Variants in DCLK2 observed in about 807,000 individuals in gnomAD.
DCLK2 encodes serine/threonine-protein kinase DCLK2.
Under a neutral mutation model 78.4 loss-of-function variants are expected in DCLK2, and 31 were observed. The observed-to-expected ratio is 0.40, with a 90% CI of 0.30 to 0.53. DCLK2 has a LOEUF of 0.53. Ranked by LOEUF, DCLK2 falls within the 20% of genes least tolerant of loss-of-function variation. The pLI, the probability that DCLK2 is intolerant of heterozygous loss-of-function variation, is 0.61. For synonymous variants in DCLK2, 407 were observed against 374.9 expected (o/e 1.09, Z -0.99); for missense variants, 872 against 973.7 (o/e 0.90, Z 1.39).
intron 1 of DCLK2, among the ~76,000 whole-genome samples, chr4:150,100,489 G>A (rs1335664422): frequency 1.3e-5 from 2 of 152,006 alleles, no homozygotes; most frequent in African/African-American, 4.8e-5. Flanking sequence ...TTTATGTTGG[G>A]ACAGGCTTTC....
chr4:150,163,369 G>A (rs1279727077), intron 2 of DCLK2, among the ~76,000 whole-genome samples: 1 of 152,122 alleles, frequency 6.6e-6, no homozygotes, highest in Admixed American at 6.5e-5. Flanking sequence ...CTGCACTCCA[G>A]CCTGGGTGAC....
intron 15 of DCLK2, chr4:150,253,500 T>C (rs898202664): frequency 7.8e-7 from 1 of 1,289,564 alleles, no homozygotes; most frequent in African/African-American, 1.5e-5. Flanking sequence ...GAGAGGCACC[T>C]CAGAGTTTCC....
intron 6 of DCLK2, among the ~76,000 whole-genome samples, chr4:150,221,164 A>G (rs1048697083): frequency 2.0e-5 from 3 of 152,124 alleles, no homozygotes; most frequent in African/African-American, 7.2e-5. Flanking sequence ...CCCTTCCCCC[A>G]CATACCTTTT....
intron 2 of DCLK2, among the ~76,000 whole-genome samples, chr4:150,176,052 G>A (rs1737068185): frequency 6.6e-6 from 1 of 152,214 alleles, no homozygotes; most frequent in African/African-American, 2.4e-5. Flanking sequence ...TATTGCGGAA[G>A]TAACATTTAT....
chr4:150,100,943 T>G (rs1446610233), intron 1 of DCLK2, among the ~76,000 whole-genome samples: 1 of 152,148 alleles, frequency 6.6e-6, no homozygotes, highest in Non-Finnish European at 1.5e-5. Flanking sequence ...ATAGAAGACA[T>G]TGCTTCTCTT....
At chr4:150,222,210 C>G (rs985338766) in intron 7 of DCLK2, among the ~76,000 whole-genome samples, 1 of 152,028 alleles carries the variant, frequency 6.6e-6, no homozygotes. Context: ...CTGTCTTGGC[C>G]TACTGAAGTG....
chr4:150,256,564 A>G lies in DCLK2; in HGVS notation c.*317A>G. On this transcript the variant is annotated 3_prime_UTR_variant, in exon 16 of 16. Transcript: ENST00000296550. ...TACAGCTTCACCAGGAGAATGTGCA[A>G]CTTTATTCCAGCATTCGATGCATTT... 3.0e-6 allele frequency: 1 copy of G among 329,740 alleles called. No individual in the cohort carries two copies. Among genetic ancestry groups the G allele is most frequent in the Non-Finnish European group, 5.5e-6 (1 of 182,648 alleles). The allele number at this position is 329,740 out of a possible 1,614,324, so 20.4% of individuals were successfully genotyped here.
chr4:150,088,506 G>A (rs1729808159), intron 1 of DCLK2, among the ~76,000 whole-genome samples: 1 of 151,340 alleles, frequency 6.6e-6, no homozygotes, highest in African/African-American at 2.4e-5. Context: ...TAGAGACAGA[G>A]TCTTTGTTGC....
chr4:150,227,163 C>CTA (rs1205527254), intron 8 of DCLK2, among the ~76,000 whole-genome samples: 3 of 152,150 alleles, frequency 2.0e-5, no homozygotes, highest in Non-Finnish European at 4.4e-5. Flanking sequence ...GTTACACAGC[C>CTA]TGTACATTGG....
rs1254162898 is a variant in DCLK2, at chr4:150,175,119, T to TTGTATATATTTGTATATA, written c.757-18018_757-18017insGTATATATTTGTATATAT. ...TTATATATATTTATATATTTATATT[T>TTGTATATATTTGTATATA]TTTATATATATATAATTTATGTATA... On this transcript the variant is annotated intron_variant, in intron 2 of 15. Coordinates refer to ENST00000296550, the MANE Select transcript of DCLK2 (RefSeq NM_001040260.4). Among the ~76,000 whole-genome samples, 33 of 98,746 alleles carry TTGTATATATTTGTATATA rather than the reference T, an allele frequency of 3.3e-4. 5 individuals carry two copies. The highest frequency in any genetic ancestry group is 1.5e-3 in the African/African-American group (29 of 18,730). 64.8% of individuals were successfully genotyped at this position (98,746 alleles called of 152,430 possible). A position where few individuals can be genotyped will look rare whatever the true frequency, so the allele number is the denominator to read the frequency against.
intron 2 of DCLK2, among the ~76,000 whole-genome samples, chr4:150,140,490 A>G (rs912160798): frequency 2.6e-5 from 4 of 152,214 alleles, no homozygotes; most frequent in Admixed American, 6.5e-5. Context: ...GCAGACCAGG[A>G]GCAAGTGGCA....
At chr4:150,090,657 T>C (rs1729995607) in intron 1 of DCLK2, among the ~76,000 whole-genome samples, 1 of 152,186 alleles carries the variant, frequency 6.6e-6, no homozygotes, top group African/African-American at 2.4e-5. Context: ...AGCTAATTTA[T>C]TTGGCCTTAA....
At chr4:150,086,193 T>A (rs1417686542) in intron 1 of DCLK2, among the ~76,000 whole-genome samples, 5 of 152,224 alleles carry the variant, frequency 3.3e-5, no homozygotes, top group Admixed American at 3.3e-4. Flanking sequence ...GTTTTTTTAA[T>A]TAATTTTACT....
chr4:150,164,039 G>A (rs4411962), intron 2 of DCLK2, among the ~76,000 whole-genome samples: 38,098 of 152,088 alleles, frequency 0.25, 5,046 homozygotes, highest in South Asian at 0.49. Context: ...TGAAAGTGCT[G>A]GAATTATAGG....
intron 2 of DCLK2, among the ~76,000 whole-genome samples, chr4:150,168,812 C>G (rs1491001320): frequency 6.6e-6 from 1 of 152,212 alleles, no homozygotes; most frequent in Non-Finnish European, 1.5e-5. Context: ...ACAATTCTCA[C>G]TGATCAGTTC....
Position 150,246,668 on chromosome 4 carries a change from C to A in DCLK2, c.1779-935C>A, listed in dbSNP as rs936885971. On this transcript the variant is annotated intron_variant, in intron 12 of 15. Transcript: ENST00000296550. Reference sequence around the variant, plus strand: ...CTGTTCCTCACTCTAGCCATCGATGCACCCACCAAGTGAGGGGGCTGTGGA... The same window carrying A: ...CTGTTCCTCACTCTAGCCATCGATGAACCCACCAAGTGAGGGGGCTGTGGA... Among the ~76,000 whole-genome samples the A allele has an allele frequency of 4.6e-5, 5 of 109,818 alleles. No individual in the cohort carries two copies. In the East Asian group the frequency reaches 1.0e-3, roughly 23 times the overall value. The allele number at this position is 109,818 out of a possible 152,430, so 72.0% of individuals were successfully genotyped here.
At chr4:150,170,428 A>G (rs959025336) in intron 2 of DCLK2, among the ~76,000 whole-genome samples, 3 of 152,186 alleles carry the variant, frequency 2.0e-5, no homozygotes, top group African/African-American at 7.2e-5. Flanking sequence ...GGAGGGGAAA[A>G]GCAGTAGAAG....
intron 2 of DCLK2, among the ~76,000 whole-genome samples, chr4:150,171,413 G>A (rs545687156): frequency 3.3e-5 from 5 of 152,136 alleles, no homozygotes; most frequent in African/African-American, 4.8e-5. Flanking sequence ...CCTGGGAGGC[G>A]GAGCTTCCAG....
In DCLK2 at chr4:150,239,735, G is replaced by C; in HGVS notation, c.1567-7G>C. On this transcript the variant is annotated splice_region_variant and splice_polypyrimidine_tract_variant and intron_variant, in intron 10 of 15. Coordinates refer to ENST00000296550, the MANE Select transcript of DCLK2 (RefSeq NM_001040260.4). ...ATCTTCTGATTGTTGGCTGATTTCT[G>C]TTTCAGGTGTGTGAATATCCTGATG... 1 of 1,612,162 alleles carries C rather than the reference G, an allele frequency of 6.2e-7. No individual in the cohort carries two copies. Among genetic ancestry groups the C allele is most frequent in the Non-Finnish European group, 8.5e-7 (1 of 1,179,590 alleles).
Sources: allele counts gnomAD v4.1 joint callset (sites outside exome capture counted in the v4.1 genomes callset), GRCh38; gene constraint gnomAD v4.1.1; transcripts MANE v1.5; gene names NCBI Gene and HGNC (gene_info 2026-07-23, HGNC 2026-07-21).